ADAMTSL1: variants seen among roughly 807,000 people sequenced by gnomAD.
ADAMTSL1 encodes the protein ADAMTS like 1.
ADAMTSL1 carries 126 observed loss-of-function variants against 201.8 expected under a neutral mutation model. The observed-to-expected ratio is 0.62, with a 90% CI of 0.54 to 0.72. The LOEUF (loss-of-function observed/expected upper bound fraction) is 0.72. ADAMTSL1 is among the 30% of genes least tolerant of loss of function. The pLI, the probability that ADAMTSL1 is intolerant of heterozygous loss-of-function variation, is 0.00. For synonymous variants in ADAMTSL1, 1,121 were observed against 903.4 expected, an observed-to-expected ratio of 1.24 and a Z score of -4.32; for missense variants, 2,679 against 2,277.8, an observed-to-expected ratio of 1.18 and a Z score of -3.59.
intron 9 of ADAMTSL1, among the ~76,000 whole-genome samples, chr9:18,668,292 T>C (rs898474854): frequency 6.6e-6 from 1 of 152,142 alleles, no homozygotes; most frequent in African/African-American, 2.4e-5. Context: ...AGATAAATGA[T>C]ACAAAGTTAG....
intron 3 of ADAMTSL1, among the ~76,000 whole-genome samples, chr9:18,562,208 G>A (rs1821553621): frequency 6.6e-6 from 1 of 152,144 alleles, no homozygotes; most frequent in African/African-American, 2.4e-5. Flanking sequence ...CTCTTTTAGG[G>A]CAGGCCTGGT....
chr9:18,257,454 CACA>C (rs1161737310), intron 2 of ADAMTSL1, among the ~76,000 whole-genome samples: 1 of 151,652 alleles, frequency 6.6e-6, no homozygotes, highest in East Asian at 1.9e-4. Context: ...TGTACAATAA[CACA>C]ACAATGAAAT....
intron 2 of ADAMTSL1, among the ~76,000 whole-genome samples, chr9:18,404,721 A>T (rs781329480): frequency 8.5e-5 from 13 of 152,316 alleles, no homozygotes; most frequent in Middle Eastern, 3.4e-3. Context: ...TTTCCATTAA[A>T]GCTCATCAGT....
intron 2 of ADAMTSL1, among the ~76,000 whole-genome samples, chr9:18,336,640 G>T (rs1234714499): frequency 6.6e-6 from 1 of 152,110 alleles, no homozygotes; most frequent in African/African-American, 2.4e-5. Flanking sequence ...GATGGGTGAA[G>T]TGGAAGGTTA....
intron 2 of ADAMTSL1, among the ~76,000 whole-genome samples, chr9:18,508,653 C>T (rs1331853906): frequency 1.3e-5 from 2 of 152,070 alleles, no homozygotes; most frequent in Non-Finnish European, 2.9e-5. Flanking sequence ...CATGGAGACA[C>T]CTAGCATTCA....
chr9:18,085,156 A>C (rs1435485954), intron 1 of ADAMTSL1, among the ~76,000 whole-genome samples: 1 of 151,214 alleles, frequency 6.6e-6, no homozygotes, highest in Admixed American at 6.6e-5. Context: ...GTGTAGAGAG[A>C]GGGCCAGATT....
In ADAMTSL1 at chr9:18,648,717, C is replaced by G. The variant is rs927701102; in HGVS notation, c.835-8922C>G. ...CTTTAAGAATGTTGAATATTGGTCCCCACTGTCTTCTGGCTTGTAGAGTTT... is the reference window on the plus strand; with the variant it reads ...CTTTAAGAATGTTGAATATTGGTCCGCACTGTCTTCTGGCTTGTAGAGTTT... On this transcript the variant is annotated intron_variant, in intron 7 of 28. Transcript: ENST00000380548. 2.8e-3 allele frequency among the ~76,000 whole-genome samples: 425 copies of G among 151,948 alleles called. 1 individual carries two copies. Among genetic ancestry groups the G allele is most frequent in the African/African-American group, 9.9e-3 (409 of 41,482 alleles).
intron 26 of ADAMTSL1, among the ~76,000 whole-genome samples, chr9:18,898,072 C>G (rs930399192): frequency 3.9e-5 from 6 of 151,942 alleles, no homozygotes; most frequent in Admixed American, 2.0e-4. Context: ...ACCTGTAGCC[C>G]CAACTACTCG....
At chr9:18,072,535 A>T (rs1449412189) in intron 1 of ADAMTSL1, among the ~76,000 whole-genome samples, 1 of 152,180 alleles carries the variant, frequency 6.6e-6, no homozygotes, top group Non-Finnish European at 1.5e-5. Flanking sequence ...ACACACACTC[A>T]TGTGTTTTGT....
chr9:18,001,719 AAAG>A (rs1261384338), intron 1 of ADAMTSL1, among the ~76,000 whole-genome samples: 8 of 152,032 alleles, frequency 5.3e-5, no homozygotes, highest in African/African-American at 1.9e-4. Flanking sequence ...GTGATTTTGT[AAAG>A]AAGGGATTTG....
chr9:18,695,899 A>G (rs146282975), intron 13 of ADAMTSL1, among the ~76,000 whole-genome samples: 35 of 152,340 alleles, frequency 2.3e-4, no homozygotes, highest in African/African-American at 8.4e-4. Context: ...TAATTGATTC[A>G]TATTTCCACA....
At chr9:18,191,534 T>C (rs971204771) in intron 2 of ADAMTSL1, among the ~76,000 whole-genome samples, 1 of 152,150 alleles carries the variant, frequency 6.6e-6, no homozygotes, top group African/African-American at 2.4e-5. Flanking sequence ...CCTGTTACCT[T>C]GGACAGGACC....
intron 1 of ADAMTSL1, among the ~76,000 whole-genome samples, chr9:17,958,939 G>A (rs1364943033): frequency 1.3e-5 from 2 of 152,164 alleles, no homozygotes; most frequent in Admixed American, 6.6e-5. Context: ...GACCCTGTAA[G>A]TATTGAGTTG....
chr9:18,249,177 A>C (rs914209966), intron 2 of ADAMTSL1, among the ~76,000 whole-genome samples: 1 of 152,192 alleles, frequency 6.6e-6, no homozygotes, highest in Non-Finnish European at 1.5e-5. Context: ...GTTAATCCCA[A>C]ATAAGGAATA....
intron 7 of ADAMTSL1, among the ~76,000 whole-genome samples, chr9:18,652,400 C>G (rs75414407): frequency 1.3e-5 from 2 of 149,872 alleles, no homozygotes; most frequent in African/African-American, 2.4e-5. Context: ...AAAAAGAAAG[C>G]CTTTGTGATA....
chr9:18,620,015 A>ATTT (rs35177614), intron 4 of ADAMTSL1, among the ~76,000 whole-genome samples: 9 of 101,246 alleles, frequency 8.9e-5, no homozygotes, highest in South Asian at 8.1e-4. Context: ...CAGTTTTCTG[A>ATTT]TTTTTTTTTT....
chr9:18,866,434 G>A (rs1451935459), intron 23 of ADAMTSL1, among the ~76,000 whole-genome samples: 1 of 152,164 alleles, frequency 6.6e-6, no homozygotes, highest in Non-Finnish European at 1.5e-5. Flanking sequence ...GTATTTAGTT[G>A]AAAGCCTTGA....
chr9:18,021,756 A>G (rs926179782), intron 1 of ADAMTSL1, among the ~76,000 whole-genome samples: 1 of 152,094 alleles, frequency 6.6e-6, no homozygotes, highest in African/African-American at 2.4e-5. Flanking sequence ...CCAGGAAATT[A>G]TTCTATTTAT....
intron 4 of ADAMTSL1, among the ~76,000 whole-genome samples, chr9:18,599,261 T>TG (rs1177790948): frequency 6.6e-6 from 1 of 152,194 alleles, no homozygotes; most frequent in African/African-American, 2.4e-5. Flanking sequence ...TTGCTTTGCT[T>TG]GGGTAAAAAT....
Sources: gnomAD v4.1 joint callset for allele counts (sites outside exome capture counted in the v4.1 genomes callset) on GRCh38, gnomAD v4.1.1 for gene constraint, MANE v1.5 for transcripts, NCBI Gene and HGNC (gene_info 2026-07-23, HGNC 2026-07-21) for gene names.